CNTNAP5: variants seen among roughly 807,000 people sequenced by gnomAD.
CNTNAP5 encodes contactin-associated protein-like 5.
In CNTNAP5, 72 loss-of-function variants were observed where a neutral mutation model predicts 150.2. That is an observed-to-expected ratio of 0.48 (90% CI 0.40 to 0.58). CNTNAP5 has a LOEUF of 0.58. Among genes scored for constraint, CNTNAP5 ranks in the 20% least tolerant of loss-of-function variants. The pLI, the probability that CNTNAP5 is intolerant of heterozygous loss-of-function variation, is 0.00. For missense variants in CNTNAP5, 1,636 were observed against 1,626.2 expected (o/e 1.01, Z -0.10); for synonymous variants, 672 against 619.8 (o/e 1.08, Z -1.25).
rs1006589488 is a variant in CNTNAP5, at chr2:124,569,302, A to G, written c.1756+5979A>G. On this transcript the variant is annotated intron_variant, in intron 11 of 23. Coordinates refer to ENST00000682447, the MANE Select transcript of CNTNAP5 (RefSeq NM_001367498.1). The stretch of plus-strand genomic sequence containing the variant: ...GTAAAACGTTTTTACATGTATTTTT[A>G]CTAACACAGTGGCATATTAAAATAG... 2.0e-5 allele frequency among the ~76,000 whole-genome samples: 3 copies of G among 152,138 alleles called. 1 individual carries two copies. Among genetic ancestry groups the G allele is most frequent in the African/African-American group, 7.2e-5 (3 of 41,426 alleles).
intron 10 of CNTNAP5, among the ~76,000 whole-genome samples, chr2:124,527,728 T>A (rs1272989449): frequency 6.6e-6 from 1 of 152,216 alleles, no homozygotes; most frequent in Non-Finnish European, 1.5e-5. Context: ...ATTTTATGCA[T>A]AAACAACATT....
intron 1 of CNTNAP5, among the ~76,000 whole-genome samples, chr2:124,186,871 A>G (rs1685345342): frequency 6.6e-6 from 1 of 152,188 alleles, no homozygotes; most frequent in African/African-American, 2.4e-5. Context: ...AACTGACTAA[A>G]TTAACAAAAA....
At chr2:124,380,616 T>C (rs1690767668) in intron 3 of CNTNAP5, among the ~76,000 whole-genome samples, 1 of 152,194 alleles carries the variant, frequency 6.6e-6, no homozygotes, top group Non-Finnish European at 1.5e-5. Context: ...TGCTCACTGT[T>C]TTCCTTTCCA....
At chr2:124,680,486 T>C (rs540180389) in intron 13 of CNTNAP5, among the ~76,000 whole-genome samples, 1 of 151,990 alleles carries the variant, frequency 6.6e-6, no homozygotes, top group East Asian at 1.9e-4. Flanking sequence ...CTCTGATTAT[T>C]TCAGTTCTCA....
chr2:124,752,023 T>G (rs1297868488), intron 14 of CNTNAP5, among the ~76,000 whole-genome samples: 1 of 152,146 alleles, frequency 6.6e-6, no homozygotes, highest in Non-Finnish European at 1.5e-5. Flanking sequence ...AATCTAAGGA[T>G]GCCCTTAATG....
intron 1 of CNTNAP5, among the ~76,000 whole-genome samples, chr2:124,142,089 A>T (rs1412289495): frequency 2.0e-5 from 3 of 147,944 alleles, no homozygotes; most frequent in Non-Finnish European, 4.5e-5. Context: ...AGAGGCGCTA[A>T]CTATCCTAAA....
At chr2:124,182,565 C>T (rs571515898) in intron 1 of CNTNAP5, among the ~76,000 whole-genome samples, 80 of 152,194 alleles carry the variant, frequency 5.3e-4, no homozygotes, top group African/African-American at 1.3e-3. Context: ...TTGACAAATC[C>T]GGTGAAAATT....
chr2:124,382,364 G>A (rs1690818296), intron 3 of CNTNAP5, among the ~76,000 whole-genome samples: 1 of 152,114 alleles, frequency 6.6e-6, no homozygotes, highest in South Asian at 2.1e-4. Context: ...GTGTGGGGGT[G>A]AGGAAGAAAT....
rs368913883 is a variant in CNTNAP5, at chr2:124,909,826, C to CATATATATATATAT, written c.3656-1622_3656-1609dup. On this transcript the variant is annotated intron_variant, in intron 22 of 23. Transcript: ENST00000682447. Reference sequence around the variant, plus strand: ...TCACCCCATCGTTATCAATTGGTGACATATATATATATATATATATATATA... The same window carrying CATATATATATATAT: ...TCACCCCATCGTTATCAATTGGTGACATATATATATATATATATATATATATATATATATATATA... Among the ~76,000 whole-genome samples, 680 of 74,532 alleles carry CATATATATATATAT rather than the reference C, an allele frequency of 9.1e-3. 16 individuals carry two copies. Among genetic ancestry groups the CATATATATATATAT allele is most frequent in the Non-Finnish European group, 0.011 (461 of 40,270 alleles). 48.9% of individuals were successfully genotyped at this position (74,532 alleles called of 152,430 possible).
chr2:124,627,198 C>T (rs1054941630), intron 12 of CNTNAP5, among the ~76,000 whole-genome samples: 1 of 152,118 alleles, frequency 6.6e-6, no homozygotes, highest in African/African-American at 2.4e-5. Context: ...GAGGAGGATT[C>T]CCCCCAGCAC....
chr2:124,296,945 C>T (rs149992757), intron 3 of CNTNAP5, among the ~76,000 whole-genome samples: 1,644 of 152,294 alleles, frequency 0.011, 18 homozygotes, highest in South Asian at 0.036. Context: ...GTTGCAACAT[C>T]CTCCTGCCTT....
intron 12 of CNTNAP5, among the ~76,000 whole-genome samples, chr2:124,627,223 C>G (rs6751634): frequency 0.59 from 90,342 of 151,946 alleles, 27,589 homozygotes; most frequent in African/African-American, 0.65. Context: ...CACCAGCTCC[C>G]CTAAGGGGCA....
chr2:124,085,999 G>C (rs1467923451), intron 1 of CNTNAP5, among the ~76,000 whole-genome samples: 1 of 152,134 alleles, frequency 6.6e-6, no homozygotes, highest in African/African-American at 2.4e-5. Flanking sequence ...GGTTAATGGT[G>C]TTGAGTTCTT....
chr2:124,205,133 A>T (rs1919842), intron 1 of CNTNAP5, among the ~76,000 whole-genome samples: 46,868 of 151,974 alleles, frequency 0.31, 7,386 homozygotes, highest in South Asian at 0.47. Flanking sequence ...CCCAAATATC[A>T]TTTTGAATTG....
intron 9 of CNTNAP5, among the ~76,000 whole-genome samples, chr2:124,524,976 G>A (rs1382222095): frequency 1.3e-5 from 2 of 152,090 alleles, no homozygotes; most frequent in African/African-American, 4.8e-5. Flanking sequence ...GAATTAGGAG[G>A]CCCATGAATT....
At chr2:124,889,220 C>T (rs1678143766) in intron 21 of CNTNAP5, among the ~76,000 whole-genome samples, 1 of 151,276 alleles carries the variant, frequency 6.6e-6, no homozygotes, top group Non-Finnish European at 1.5e-5. Flanking sequence ...CTGTTTCAGC[C>T]TCCCAAGTAG....
intron 3 of CNTNAP5, among the ~76,000 whole-genome samples, chr2:124,358,489 A>C (rs1373380011): frequency 6.6e-6 from 1 of 152,120 alleles, no homozygotes; most frequent in African/African-American, 2.4e-5. Context: ...TCAATACCTA[A>C]TTTATTGAGA....
chr2:124,541,400 C>T (rs1175746630), intron 10 of CNTNAP5, among the ~76,000 whole-genome samples: 1 of 151,762 alleles, frequency 6.6e-6, no homozygotes, highest in African/African-American at 2.4e-5. Context: ...TAGGCTACAC[C>T]CCTACACTTA....
rs1037055682 is a variant in CNTNAP5 at position 124,919,632 on chromosome 2, T to C, written c.*5344T>C. Among the ~76,000 whole-genome samples, 1 of 152,058 alleles carries C rather than the reference T, an allele frequency of 6.6e-6. No homozygotes were observed. The highest frequency in any genetic ancestry group is 2.1e-4 in the South Asian group (1 of 4,828). On this transcript the variant is annotated 3_prime_UTR_variant, in exon 24 of 24. Coordinates refer to ENST00000682447, the MANE Select transcript of CNTNAP5 (RefSeq NM_001367498.1). Reference sequence around the variant, plus strand: ...CTCACTCAGGAGTCTCTTTAGTGCATTTGGATCATTGTCTTACTCATTAGG... The same window carrying C: ...CTCACTCAGGAGTCTCTTTAGTGCACTTGGATCATTGTCTTACTCATTAGG...
Sources: gnomAD v4.1 joint callset for allele counts (sites outside exome capture counted in the v4.1 genomes callset) on GRCh38, gnomAD v4.1.1 for gene constraint, MANE v1.5 for transcripts, NCBI Gene and HGNC (gene_info 2026-07-23, HGNC 2026-07-21) for gene names.